Variants in PTPRD observed in about 807,000 individuals in gnomAD.
The protein encoded by PTPRD is receptor-type tyrosine-protein phosphatase delta.
PTPRD carries 34 observed loss-of-function variants against 214.5 expected under a neutral mutation model. That is an observed-to-expected ratio of 0.16 (90% confidence interval 0.12 to 0.21). The LOEUF is 0.21. Ranked by LOEUF, PTPRD falls within the 10% of genes least tolerant of loss-of-function variation. The pLI, the probability that PTPRD is intolerant of heterozygous loss-of-function variation, is 1.00. For missense variants in PTPRD, 2,545 were observed against 2,398.7 expected, an observed-to-expected ratio of 1.06 and a Z score of -1.27; for synonymous variants, 1,128 against 845.7, an observed-to-expected ratio of 1.33 and a Z score of -5.79.
intron 4 of PTPRD, among the ~76,000 whole-genome samples, chr9:10,028,544 C>A (rs1281672476): frequency 6.6e-6 from 1 of 152,030 alleles, no homozygotes; most frequent in Non-Finnish European, 1.5e-5. Context: ...ATAATGAAAT[C>A]CAGACTGAGG....
chr9:9,850,258 C>T (rs1477269447), intron 5 of PTPRD, among the ~76,000 whole-genome samples: 1 of 152,128 alleles, frequency 6.6e-6, no homozygotes, highest in Non-Finnish European at 1.5e-5. Context: ...CAGACGCATT[C>T]TAAACTTGAG....
chr9:9,435,138 T>C (rs991011955), intron 8 of PTPRD, among the ~76,000 whole-genome samples: 1 of 152,118 alleles, frequency 6.6e-6, no homozygotes, highest in African/African-American at 2.4e-5. Flanking sequence ...ATTTCTATTA[T>C]CATTATTTTT....
intron 14 of PTPRD, among the ~76,000 whole-genome samples, chr9:8,609,368 G>A (rs1423690121): frequency 6.6e-6 from 1 of 152,136 alleles, no homozygotes; most frequent in African/African-American, 2.4e-5. Context: ...TTCAAGGTCA[G>A]GCTCTGTTTC....
intron 14 of PTPRD, among the ~76,000 whole-genome samples, chr9:8,563,718 G>A (rs888961250): frequency 6.6e-6 from 1 of 152,148 alleles, no homozygotes. Context: ...CTGGAACGCA[G>A]TGGCACAATC....
chr9:8,511,863 T>C (rs2097689439), intron 21 of PTPRD, among the ~76,000 whole-genome samples: 1 of 152,126 alleles, frequency 6.6e-6, no homozygotes, highest in Admixed American at 6.5e-5. Flanking sequence ...TGTTAAGTAC[T>C]TGAGTATTAC....
chr9:10,431,004 C>T (rs2098672370), intron 2 of PTPRD, among the ~76,000 whole-genome samples: 1 of 151,874 alleles, frequency 6.6e-6, no homozygotes, highest in Admixed American at 6.6e-5. Context: ...CCTTGAATGT[C>T]ATCTGAATGC....
intron 3 of PTPRD, among the ~76,000 whole-genome samples, chr9:10,122,015 C>G (rs937345530): frequency 1.3e-5 from 2 of 152,102 alleles, no homozygotes; most frequent in African/African-American, 4.8e-5. Context: ...TGTACTTAAA[C>G]TTAAGTTCTT....
chr9:10,227,921 T>C (rs7027682), intron 3 of PTPRD, among the ~76,000 whole-genome samples: 103,224 of 151,798 alleles, frequency 0.68, 37,050 homozygotes, highest in Non-Finnish European at 0.79. Context: ...CAAATCTTCA[T>C]AATCTCTAAC....
chr9:9,700,789 C>T (rs1439155835), intron 7 of PTPRD, among the ~76,000 whole-genome samples: 1 of 151,956 alleles, frequency 6.6e-6, no homozygotes, highest in Non-Finnish European at 1.5e-5. Context: ...ATTTTCATCT[C>T]CATAAAAATT....
At chr9:8,921,141 G>A (rs1200123422) in intron 11 of PTPRD, among the ~76,000 whole-genome samples, 1 of 152,048 alleles carries the variant, frequency 6.6e-6, no homozygotes, top group Non-Finnish European at 1.5e-5. Context: ...TCTCAAACCA[G>A]GAAGGTCTAG....
chr9:10,116,572 G>A lies in PTPRD; in HGVS notation c.-544-82782C>T, dbSNP rs375591099. On this transcript the variant is annotated intron_variant, in intron 3 of 45. Coordinates refer to ENST00000381196, the MANE Select transcript of PTPRD (RefSeq NM_002839.4). ...ATATACTACTGTATCTCAAATTTGT[G>A]ATATAGATTACTTTGTACTCCCTAC... 7.7e-4 allele frequency among the ~76,000 whole-genome samples: 117 copies of A among 152,054 alleles called. 2 individuals carry two copies. The South Asian group carries it at 0.021, about 27-fold the overall frequency.
At chr9:10,162,723 A>C (rs1272844145) in intron 3 of PTPRD, among the ~76,000 whole-genome samples, 1 of 145,688 alleles carries the variant, frequency 6.9e-6, no homozygotes, top group Non-Finnish European at 1.5e-5. Flanking sequence ...ATATATACAT[A>C]TACATGTACA....
chr9:8,607,765 A>G (rs573812666), intron 14 of PTPRD, among the ~76,000 whole-genome samples: 1 of 152,350 alleles, frequency 6.6e-6, no homozygotes, highest in South Asian at 2.1e-4. Context: ...AACCTCGTGG[A>G]GATTCATAGA....
At chr9:8,935,163 T>C (rs1258278637) in intron 11 of PTPRD, among the ~76,000 whole-genome samples, 1 of 152,142 alleles carries the variant, frequency 6.6e-6, no homozygotes, top group African/African-American at 2.4e-5. Flanking sequence ...GAAGTAAAAT[T>C]GCCTCTGTTT....
At chr9:8,452,991 T>G (rs1299491035) in intron 33 of PTPRD, among the ~76,000 whole-genome samples, 1 of 152,228 alleles carries the variant, frequency 6.6e-6, no homozygotes, top group Non-Finnish European at 1.5e-5. Flanking sequence ...TATTTGTTTC[T>G]GTTAACATTA....
At chr9:9,335,159 G>A (rs1482884144) in intron 9 of PTPRD, among the ~76,000 whole-genome samples, 8 of 151,894 alleles carry the variant, frequency 5.3e-5, no homozygotes, top group Non-Finnish European at 1.0e-4. Context: ...TGTTAGCTTT[G>A]CTATTTTCAA....
intron 9 of PTPRD, among the ~76,000 whole-genome samples, chr9:9,205,854 C>T (rs1277804215): frequency 6.6e-6 from 1 of 152,108 alleles, no homozygotes; most frequent in Non-Finnish European, 1.5e-5. Flanking sequence ...CATGGTTAGT[C>T]TCAGGTGGAA....
intron 10 of PTPRD, among the ~76,000 whole-genome samples, chr9:9,064,537 C>G (rs781064089): frequency 6.6e-6 from 1 of 152,184 alleles, no homozygotes; most frequent in Non-Finnish European, 1.5e-5. Flanking sequence ...AGGTCAGACT[C>G]TTTCTGTGTG....
At chr9:9,170,627 G>C (rs1362656102) in intron 10 of PTPRD, among the ~76,000 whole-genome samples, 2 of 152,186 alleles carry the variant, frequency 1.3e-5, no homozygotes, top group Non-Finnish European at 2.9e-5. Flanking sequence ...TCAATGGAAG[G>C]CAAGAAGCAG....
Sources: gnomAD v4.1 joint callset for allele counts (sites outside exome capture counted in the v4.1 genomes callset) on GRCh38, gnomAD v4.1.1 for gene constraint, MANE v1.5 for transcripts, NCBI Gene and HGNC (gene_info 2026-07-23, HGNC 2026-07-21) for gene names.